CFAP61: variants seen among roughly 807,000 people sequenced by gnomAD.
CFAP61 encodes the protein cilia- and flagella-associated protein 61.
A neutral mutation model predicts 135.6 loss-of-function variants in CFAP61; 107 were observed. That is an observed-to-expected ratio of 0.79 (90% confidence interval 0.67 to 0.93). The LOEUF is 0.93. CFAP61 is among the 40% of genes least tolerant of loss of function. The probability of loss-of-function intolerance (pLI) is 0.00; values close to 1 mark genes in which losing one functional copy is unlikely to be tolerated. For missense variants in CFAP61, 1,507 were observed against 1,556.2 expected (o/e 0.97, Z 0.53); for synonymous variants, 575 against 578.5 (o/e 0.99, Z 0.09).
At chr20:20,290,076 C>G (rs547431705) in intron 23 of CFAP61, among the ~76,000 whole-genome samples, 1 of 152,258 alleles carries the variant, frequency 6.6e-6, no homozygotes, top group South Asian at 2.1e-4. Context: ...CATCCTGGAG[C>G]AATGGCGGCT....
At chr20:20,348,024 A>G (rs954689504) in intron 26 of CFAP61, among the ~76,000 whole-genome samples, 3 of 152,146 alleles carry the variant, frequency 2.0e-5, no homozygotes, top group African/African-American at 7.2e-5. Flanking sequence ...AAAGACCTTG[A>G]ATCAATAATC....
chr20:20,147,235 T>C (rs1304935954), intron 9 of CFAP61, among the ~76,000 whole-genome samples: 1 of 152,262 alleles, frequency 6.6e-6, no homozygotes, highest in Non-Finnish European at 1.5e-5. Context: ...TTTCATATAA[T>C]GACTTCTTTT....
intron 14 of CFAP61, among the ~76,000 whole-genome samples, chr20:20,189,425 A>T (rs1172358725): frequency 1.3e-5 from 2 of 152,142 alleles, no homozygotes; most frequent in African/African-American, 4.8e-5. Flanking sequence ...AAACTGTTTT[A>T]TTCCTTTTCC....
chr20:20,084,844 A>G lies in CFAP61; in HGVS notation c.567-6000A>G, dbSNP rs757620252. ...AGTAGGGTGTCCTGAAAGGGGGTTG[A>G]TTTCCTTAAGGTGTGTGTTCAACTC... On this transcript the variant is annotated intron_variant, in intron 6 of 26. Transcript: ENST00000245957. 2.6e-5 allele frequency among the ~76,000 whole-genome samples: 4 copies of G among 152,076 alleles called. No homozygotes were observed. The East Asian group carries it at 5.8e-4, about 22-fold the overall frequency.
chr20:20,154,948 A>G (rs1421040419), intron 9 of CFAP61, among the ~76,000 whole-genome samples: 2 of 152,136 alleles, frequency 1.3e-5, no homozygotes, highest in Admixed American at 6.5e-5. Flanking sequence ...TGGAGCCATA[A>G]AAGAGCCTGC....
In CFAP61 at chr20:20,065,741, T is replaced by G. The variant is rs116921490; in HGVS notation, c.144-5113T>G. 4.6e-4 allele frequency among the ~76,000 whole-genome samples: 70 copies of G among 152,246 alleles called. 1 individual carries two copies. The East Asian group carries it at 0.013, about 29-fold the overall frequency. ...TCTCACCTAAAAATCCAGCTAAATT[T>G]TAGCAGATTGGGCATGGCCGATGAG... is the stretch of plus-strand genomic sequence containing the variant. On this transcript the variant is annotated intron_variant, in intron 2 of 26. Coordinates refer to ENST00000245957, the MANE Select transcript of CFAP61 (RefSeq NM_015585.4).
chr20:20,172,201 C>T (rs1189280669), intron 13 of CFAP61: 1 of 947,858 alleles, frequency 1.1e-6, no homozygotes, highest in Non-Finnish European at 1.3e-6. Context: ...AAAAGTTACA[C>T]AGGATTTCAG....
chr20:20,352,745 A>C (rs2058888289), intron 26 of CFAP61, among the ~76,000 whole-genome samples: 1 of 152,234 alleles, frequency 6.6e-6, no homozygotes, highest in Admixed American at 6.5e-5. Flanking sequence ...CTAGAAGAGA[A>C]CATAGGAGAA....
At chr20:20,152,246 C>T (rs1412772944) in intron 9 of CFAP61, among the ~76,000 whole-genome samples, 2 of 151,800 alleles carry the variant, frequency 1.3e-5, no homozygotes, top group African/African-American at 4.8e-5. Flanking sequence ...CTTCAAAATA[C>T]ATGAAAATAG....
intron 6 of CFAP61, among the ~76,000 whole-genome samples, chr20:20,084,477 C>T (rs2046656461): frequency 6.6e-6 from 1 of 151,964 alleles, no homozygotes; most frequent in Non-Finnish European, 1.5e-5. Context: ...TCCATCTGTG[C>T]ATTTGCAGTG....
In CFAP61 at chr20:20,251,708, C is replaced by T. The variant is rs141986858; in HGVS notation, c.2273C>T (p.Thr758Met). ...GCAGCCAAGCACGTTGTGCTTTCCA[C>T]GGACGAGATCGTGCCCTACGACCAC... Reference protein sequence around the residue: ...DRAAKHVVLSTDEIVPYDHLI... With the variant: ...DRAAKHVVLSMDEIVPYDHLI... The change falls in exon 20 of 27, where the codon ACG becomes ATG. Residue 758 changes from threonine to methionine, a missense_variant. Physicochemically the swap from Thr to Met is moderately conservative, Grantham distance 81. Transcript: ENST00000245957. The T allele has an allele frequency of 4.0e-5, 65 of 1,614,048 alleles. No homozygotes were observed. The highest frequency in any genetic ancestry group is 1.7e-4 in the Admixed American group (10 of 60,014).
At chr20:20,069,769 A>G (rs1182910052) in intron 2 of CFAP61, 1 of 456,282 alleles carries the variant, frequency 2.2e-6, no homozygotes, top group Non-Finnish European at 4.4e-6. Flanking sequence ...GTCTGCACTG[A>G]CAGTGTATTC....
intron 24 of CFAP61, among the ~76,000 whole-genome samples, chr20:20,295,269 C>G (rs760043797): frequency 6.6e-6 from 1 of 152,168 alleles, no homozygotes; most frequent in Non-Finnish European, 1.5e-5. Flanking sequence ...AGACTCTTGG[C>G]AAAGTCAAGA....
At position 20,090,828 on chromosome 20, in the gene CFAP61, C is replaced by G; in HGVS notation, c.567-16C>G. ...TGAGTGAACGAACACTGAACTTCAG[C>G]CTTTCTATTAAACAGGGTGGAAGAC... On this transcript the variant is annotated splice_polypyrimidine_tract_variant and intron_variant, in intron 6 of 26. Transcript: ENST00000245957. The G allele has an allele frequency of 9.3e-6, 15 of 1,613,464 alleles. No individual in the cohort carries two copies. Among genetic ancestry groups the G allele is most frequent in the Non-Finnish European group, 1.3e-5 (15 of 1,179,600 alleles).
intron 6 of CFAP61, among the ~76,000 whole-genome samples, chr20:20,088,237 G>A (rs747288940): frequency 6.6e-6 from 1 of 152,164 alleles, no homozygotes. Flanking sequence ...TGGTTGCCTG[G>A]TTAAGGACCC....
intron 12 of CFAP61, 37 bp from the exon 13 acceptor site, chr20:20,169,284 T>G: frequency 6.4e-7 from 1 of 1,569,218 alleles, no homozygotes; most frequent in Non-Finnish European, 8.7e-7. Flanking sequence ...TAATTTTTTT[T>G]ATTCTTTCTC....
chr20:20,137,935 T>C (rs756953722), intron 8 of CFAP61, among the ~76,000 whole-genome samples: 6 of 152,156 alleles, frequency 3.9e-5, no homozygotes, highest in Non-Finnish European at 7.4e-5. Context: ...CTGCTGATTA[T>C]TCAGGGCCCA....
At chr20:20,067,644 AAT>A (rs71988476) in intron 2 of CFAP61, among the ~76,000 whole-genome samples, 11,329 of 129,774 alleles carry the variant, frequency 0.087, 503 homozygotes, top group East Asian at 0.13. Context: ...TCCATCTCAA[AAT>A]ATATATATAT....
intron 2 of CFAP61, among the ~76,000 whole-genome samples, chr20:20,057,467 C>T (rs1014664593): frequency 2.0e-5 from 3 of 152,138 alleles, no homozygotes; most frequent in Admixed American, 6.5e-5. Flanking sequence ...TGTTATTGTT[C>T]TGATACTTCT....
Sources: gnomAD v4.1 joint callset for allele counts (sites outside exome capture counted in the v4.1 genomes callset) on GRCh38, gnomAD v4.1.1 for gene constraint, MANE v1.5 for transcripts, NCBI Gene and HGNC (gene_info 2026-07-23, HGNC 2026-07-21) for gene names.